Variants in ADAMTS12 observed in about 807,000 individuals in gnomAD.
The protein encoded by ADAMTS12 is A disintegrin and metalloproteinase with thrombospondin motifs 12.
Under a neutral mutation model 167.8 loss-of-function variants are expected in ADAMTS12, and 118 were observed. The observed-to-expected ratio is 0.70, with a 90% CI of 0.61 to 0.82. ADAMTS12 has a LOEUF of 0.82. Ranked by LOEUF, ADAMTS12 falls within the 40% of genes least tolerant of loss-of-function variation. The pLI is 0.00. For synonymous variants in ADAMTS12, 704 were observed against 716.9 expected, an observed-to-expected ratio of 0.98 and a Z score of 0.29; for missense variants, 1,916 against 1,998.8, an observed-to-expected ratio of 0.96 and a Z score of 0.79.
At chr5:33,817,266 G>C (rs1353542574) in intron 2 of ADAMTS12, among the ~76,000 whole-genome samples, 1 of 152,156 alleles carries the variant, frequency 6.6e-6, no homozygotes, top group African/African-American at 2.4e-5. Context: ...TTGAACTTTA[G>C]TGGAAACTGC....
At chr5:33,572,028 C>A (rs908759412) in intron 19 of ADAMTS12, among the ~76,000 whole-genome samples, 40 of 152,146 alleles carry the variant, frequency 2.6e-4, no homozygotes, top group African/African-American at 9.4e-4. Flanking sequence ...GACACATACA[C>A]TCTCCCAAGA....
chr5:33,845,513 A>T (rs1327119821), intron 2 of ADAMTS12, among the ~76,000 whole-genome samples: 1 of 152,234 alleles, frequency 6.6e-6, no homozygotes, highest in African/African-American at 2.4e-5. Flanking sequence ...TTAAATAATG[A>T]TGTTACATTA....
In ADAMTS12 at chr5:33,856,952, C is replaced by T. The variant is rs147362420; in HGVS notation, c.489+24167G>A. Reference sequence around the variant, plus strand: ...TCTTCAAGAGATAGCTGCAATCTCACGTTTATGGCAGCACTATCCACAATA... The same window carrying T: ...TCTTCAAGAGATAGCTGCAATCTCATGTTTATGGCAGCACTATCCACAATA... On this transcript the variant is annotated intron_variant, in intron 2 of 23. Transcript: ENST00000504830. Among the ~76,000 whole-genome samples the T allele has an allele frequency of 1.5e-3, 228 of 152,280 alleles. 2 individuals carry two copies. Among genetic ancestry groups the T allele is most frequent in the African/African-American group, 5.2e-3 (216 of 41,552 alleles).
chr5:33,598,947 C>A (rs77174167), intron 16 of ADAMTS12, among the ~76,000 whole-genome samples: 4 of 152,156 alleles, frequency 2.6e-5, no homozygotes, highest in African/African-American at 7.2e-5. Flanking sequence ...GTCTCAATCT[C>A]GGGACACTCC....
chr5:33,840,341 G>C (rs200396715), intron 2 of ADAMTS12: 2 of 152,110 alleles, frequency 1.3e-5, no homozygotes, highest in African/African-American at 4.8e-5. Flanking sequence ...GTTTAGGAAG[G>C]GTTTCCTAAC....
chr5:33,527,510 G>A (rs1743881347), intron 23 of ADAMTS12, 144 bp from the exon 24 acceptor site: 2 of 770,104 alleles, frequency 2.6e-6, no homozygotes, highest in South Asian at 1.9e-5. Context: ...TCTACTGAAT[G>A]TTTATTATGT....
At chr5:33,642,295 G>C (rs1471552531) in intron 10 of ADAMTS12, among the ~76,000 whole-genome samples, 1 of 152,194 alleles carries the variant, frequency 6.6e-6, no homozygotes, top group African/African-American at 2.4e-5. Flanking sequence ...AGTATGCTTA[G>C]CAACATAGTT....
chr5:33,569,097 C>T (rs918670670), intron 19 of ADAMTS12, among the ~76,000 whole-genome samples: 43 of 152,358 alleles, frequency 2.8e-4, no homozygotes, highest in African/African-American at 9.6e-4. Flanking sequence ...CCAGGAAGCT[C>T]GAACTGGGTG....
At chr5:33,851,139 A>T (rs1463450550) in intron 2 of ADAMTS12, among the ~76,000 whole-genome samples, 1 of 152,220 alleles carries the variant, frequency 6.6e-6, no homozygotes. Flanking sequence ...GAGGCCAGAC[A>T]CAGTGGCTCA....
At chr5:33,570,711 A>G (rs1401759671) in intron 19 of ADAMTS12, among the ~76,000 whole-genome samples, 1 of 152,036 alleles carries the variant, frequency 6.6e-6, no homozygotes, top group Admixed American at 6.6e-5. Context: ...TAACCAGCTA[A>G]CATCATAATG....
chr5:33,695,839 A>T (rs4866372), intron 3 of ADAMTS12, among the ~76,000 whole-genome samples: 27,464 of 152,190 alleles, frequency 0.18, 2,590 homozygotes, highest in East Asian at 0.26. Context: ...CTGTACATTT[A>T]AAAATGGTTC....
In ADAMTS12 at chr5:33,725,712, T is replaced by C. The variant is rs148144012; in HGVS notation, c.634+25692A>G. On this transcript the variant is annotated intron_variant, in intron 3 of 23. Coordinates refer to ENST00000504830, the MANE Select transcript of ADAMTS12 (RefSeq NM_030955.4). ...ACACATCGGCGAGGAAGCCCTCACG[T>C]TGTGAAGTTTGCAATCATAGCCACA... Among the ~76,000 whole-genome samples the C allele has an allele frequency of 2.0e-3, 297 of 152,292 alleles. 2 individuals carry two copies. The highest frequency in any genetic ancestry group is 6.7e-3 in the African/African-American group (280 of 41,582).
intron 2 of ADAMTS12, among the ~76,000 whole-genome samples, chr5:33,777,588 C>G (rs1362076050): frequency 2.0e-5 from 3 of 151,992 alleles, no homozygotes; most frequent in Admixed American, 2.0e-4. Context: ...TGGTAAAAAG[C>G]TGAAAGCTTT....
intron 2 of ADAMTS12, among the ~76,000 whole-genome samples, chr5:33,762,107 G>A (rs1745378890): frequency 2.0e-5 from 3 of 152,130 alleles, no homozygotes; most frequent in South Asian, 2.1e-4. Flanking sequence ...CAGGAGAATC[G>A]CTTGAACCTG....
chr5:33,684,018 C>T lies in ADAMTS12; in HGVS notation c.672G>A (p.Arg224=). 6.2e-7 allele frequency: 1 copy of T among 1,606,974 alleles called. No individual in the cohort carries two copies. The highest frequency in any genetic ancestry group is 8.5e-7 in the Non-Finnish European group (1 of 1,176,564). Residue 224 remains arginine, a synonymous_variant, in exon 4 of 24, where the codon CGG becomes CGA. Transcript: ENST00000504830. ...GCAAGTTGTGCCTCTCCCACTTCTC[C>T]CGCCATAGCTCTTGCTTCTGGGAGA... The part of the protein sequence containing the change: ...VNISQKQELW[R]EKWERHNLPS...
intron 22 of ADAMTS12, among the ~76,000 whole-genome samples, chr5:33,539,519 G>A (rs1311252665): frequency 6.6e-6 from 1 of 152,178 alleles, no homozygotes; most frequent in Admixed American, 6.5e-5. Flanking sequence ...TTCTTAGGCT[G>A]TGTGCCTCTG....
intron 9 of ADAMTS12, among the ~76,000 whole-genome samples, chr5:33,644,978 C>A (rs1327997575): frequency 1.3e-5 from 2 of 152,068 alleles, no homozygotes; most frequent in Non-Finnish European, 2.9e-5. Flanking sequence ...GATCTGCCCA[C>A]CTTGGCCTCC....
chr5:33,775,470 G>A (rs925184725), intron 2 of ADAMTS12, among the ~76,000 whole-genome samples: 9 of 152,124 alleles, frequency 5.9e-5, no homozygotes, highest in African/African-American at 2.2e-4. Flanking sequence ...CATACCATCA[G>A]AGTACAAAAA....
At chr5:33,880,999 C>T (rs1750413881) in intron 2 of ADAMTS12, 120 bp downstream of exon 2, 9 of 1,424,052 alleles carry the variant, frequency 6.3e-6, no homozygotes, top group Non-Finnish European at 7.5e-6. Flanking sequence ...CCAGGATCAT[C>T]ACATCACAGG....
Sources: allele counts gnomAD v4.1 joint callset (sites outside exome capture counted in the v4.1 genomes callset), GRCh38; gene constraint gnomAD v4.1.1; transcripts MANE v1.5; gene names NCBI Gene and HGNC (gene_info 2026-07-23, HGNC 2026-07-21).